PER1: variants seen among roughly 807,000 people sequenced by gnomAD.
PER1 encodes period circadian regulator 1.
Under a neutral mutation model 125.9 loss-of-function variants are expected in PER1, and 87 were observed. The observed-to-expected ratio is 0.69, with a 90% CI of 0.58 to 0.83. The LOEUF (loss-of-function observed/expected upper bound fraction) is 0.83, where lower values mean the gene tolerates loss of function less well. PER1 is among the 40% of genes least tolerant of loss of function. The pLI is 0.00. For synonymous variants in PER1, 801 were observed against 714.7 expected, an observed-to-expected ratio of 1.12 and a Z score of -1.93; for missense variants, 1,775 against 1,722.8, an observed-to-expected ratio of 1.03 and a Z score of -0.54.
Position 8,141,879 on chromosome 17 carries a change from C to T in PER1, c.3526G>A (p.Asp1176Asn). ...MQKQQPRFSE[D>N]QRRELGAVHS... ...ACAGCACCCAGTTCCCGCCGCTGGTCCTCAGAAAACCGAGGCTGCTGCTTC... is the reference window on the plus strand; with the variant it reads ...ACAGCACCCAGTTCCCGCCGCTGGTTCTCAGAAAACCGAGGCTGCTGCTTC... Residue 1176 changes from aspartate to asparagine, a missense_variant, in exon 22 of 23, where the codon GAC (aspartate) becomes AAC (asparagine). By Grantham distance (23) the Asp-to-Asn change is conservative (BLOSUM62 1). Coordinates refer to ENST00000317276, the MANE Select transcript of PER1 (RefSeq NM_002616.3). 1 of 1,614,206 alleles carries T rather than the reference C, an allele frequency of 6.2e-7. No homozygotes were observed.
intron 18 of PER1, 69 bp from the exon 19 acceptor site, chr17:8,143,945 C>T (rs1157438690): frequency 1.3e-6 from 2 of 1,522,608 alleles, no homozygotes; most frequent in Non-Finnish European, 1.8e-6. Context: ...CCACACTGCC[C>T]TGACACGCTG....
intron 22 of PER1, 68 bp from the exon 23 acceptor site, chr17:8,141,408 C>T: frequency 6.6e-7 from 1 of 1,505,280 alleles, no homozygotes; most frequent in Non-Finnish European, 8.9e-7. Flanking sequence ...AGCGCAGCTT[C>T]CCACCCCCAG....
chr17:8,149,390 G>C (rs758265050), intron 6 of PER1, 72 bp downstream of exon 6: 7 of 1,605,724 alleles, frequency 4.4e-6, no homozygotes, highest in Non-Finnish European at 5.1e-6. Flanking sequence ...GGAAAGTCTG[G>C]GTTCCCCGGC....
At chr17:8,149,194 GCAAAAACAAAAA>G (rs796314734) in intron 7 of PER1, 53 bp downstream of exon 7, 11 of 1,414,954 alleles carry the variant, frequency 7.8e-6, no homozygotes, top group Middle Eastern at 1.8e-4. Context: ...CTTTCAAAAA[GCAAAAACAAAAA>G]CAAAAACAAA....
Position 8,147,998 on chromosome 17 carries a change from C to T in PER1, c.1233G>A (p.Lys411=). 3 of 1,611,626 alleles carry T rather than the reference C, an allele frequency of 1.9e-6. No homozygotes were observed. The highest frequency in any genetic ancestry group is 1.3e-5 in the African/African-American group (1 of 75,026). The part of the protein sequence containing the change: ...DRPLMLAIHK[K]ILQLAGQPFD... ...GCGAGCAGGGCGAGAGGAACTCACT[C>T]TTCTTGTGGATAGCCAGCATGAGGG... Residue 411 remains lysine (K), a splice_region_variant and synonymous_variant, in exon 10 of 23, where the codon AAG becomes AAA. Coordinates refer to ENST00000317276, the MANE Select transcript of PER1 (RefSeq NM_002616.3).
Position 8,146,360 on chromosome 17 carries a change from T to C in PER1, c.2038+12A>G, listed in dbSNP as rs1339111215. 2.5e-6 allele frequency: 4 copies of C among 1,591,686 alleles called. No homozygotes were observed. The highest frequency in any genetic ancestry group is 4.5e-5 in the East Asian group (2 of 44,746). On this transcript the variant is annotated intron_variant, in intron 16 of 22. Coordinates refer to ENST00000317276, the MANE Select transcript of PER1 (RefSeq NM_002616.3). Reference sequence around the variant, plus strand: ...GACGGGGCAGTGGGAGCAGGGTGCATTGGATCTTTACCTTTCTTGGTCCCC... The same window carrying C: ...GACGGGGCAGTGGGAGCAGGGTGCACTGGATCTTTACCTTTCTTGGTCCCC...
At chr17:8,144,431 A>G in intron 18 of PER1, 2 of 465,302 alleles carry the variant, frequency 4.3e-6, no homozygotes, top group Non-Finnish European at 7.5e-6. Flanking sequence ...ATGTCTCTTC[A>G]TCAGTGACAA....
At position 8,149,587 on chromosome 17, in the gene PER1, C is replaced by T. The variant is rs748737933; in HGVS notation, c.728G>A (p.Arg243His). The T allele has an allele frequency of 3.3e-5, 53 of 1,613,580 alleles. No homozygotes were observed. The South Asian group carries it at 3.5e-4, about 11-fold the overall frequency. The change falls in exon 6 of 23, where the codon CGT (arginine) becomes CAT (histidine). Residue 243 changes from arginine to histidine, a missense_variant. Coordinates refer to ENST00000317276, the MANE Select transcript of PER1 (RefSeq NM_002616.3). Reference sequence around the variant, plus strand: ...ACCCCGGAACACGTCCCGCTTGCAACGCAGCAGGACGGCTGCCTGCTCCGA... The same window carrying T: ...ACCCCGGAACACGTCCCGCTTGCAATGCAGCAGGACGGCTGCCTGCTCCGA... ...YISEQAAVLL[R>H]CKRDVFRGTR...
chr17:8,146,355 G>T lies in PER1; in HGVS notation c.2038+17C>A, dbSNP rs760405296. 1 of 1,588,298 alleles carries T rather than the reference G, an allele frequency of 6.3e-7. No homozygotes were observed. The highest frequency in any genetic ancestry group is 1.3e-5 in the African/African-American group (1 of 74,598). On this transcript the variant is annotated intron_variant, in intron 16 of 22. Transcript: ENST00000317276. ...GCCAGGACGGGGCAGTGGGAGCAGG[G>T]TGCATTGGATCTTTACCTTTCTTGG...
rs1024431343 is a variant in PER1 at position 8,145,073 on chromosome 17, T to C, written c.2219-80A>G. 1.9e-5 allele frequency: 25 copies of C among 1,337,118 alleles called. No homozygotes were observed. In the East Asian group the frequency reaches 1.9e-4, roughly 10 times the overall value. 82.8% of individuals were successfully genotyped at this position (1,337,118 alleles called of 1,614,324 possible). ...TCCATACCACACCCTCCCTGTCTGA[T>C]AGCCTAGCCAACCCCTGGCAGCTCT... On this transcript the variant is annotated intron_variant, in intron 17 of 22. Transcript: ENST00000317276.
At position 8,149,595 on chromosome 17, in the gene PER1, G is replaced by A; in HGVS notation, c.720C>T (p.Val240=). ...RIVYISEQAA[V]LLRCKRDVFR... is the part of the protein sequence containing the mutation. The stretch of plus-strand genomic sequence containing the variant: ...ACACGTCCCGCTTGCAACGCAGCAG[G>A]ACGGCTGCCTGCTCCGAAATGTAGA... Residue 240 remains valine (V), a synonymous_variant, in exon 6 of 23, where the codon GTC becomes GTT. Transcript: ENST00000317276. The A allele has an allele frequency of 1.9e-6, 3 of 1,613,540 alleles. No homozygotes were observed. The highest frequency in any genetic ancestry group is 1.1e-5 in the South Asian group (1 of 91,080).
In PER1 at chr17:8,147,764, T is replaced by A; in HGVS notation, c.1298A>T (p.Glu433Val). ...SPIRFCARNGEYVTMDTSWAG... is the reference protein window; with the variant it reads ...SPIRFCARNGVYVTMDTSWAG... The stretch of plus-strand genomic sequence containing the variant: ...CCAGCTGGTGTCCATGGTGACATAC[T>A]CCCCGTTGCGGGCACAGAAGCGGAT... Residue 433 changes from glutamate (E) to valine (V), a missense_variant, in exon 11 of 23, where the codon GAG becomes GTG. Glu to Val is a moderately radical substitution (Grantham distance 121). Coordinates refer to ENST00000317276, the MANE Select transcript of PER1 (RefSeq NM_002616.3). The A allele has an allele frequency of 6.2e-7, 1 of 1,613,930 alleles. No individual in the cohort carries two copies. Among genetic ancestry groups the A allele is most frequent in the Non-Finnish European group, 8.5e-7 (1 of 1,179,980 alleles).
In PER1 at chr17:8,149,898, G is replaced by A. The variant is rs562041013; in HGVS notation, c.530-22C>T. ...TTGGCTGCAGAGTGGAGGCAGTGAG[G>A]CATTCAGTAAGGAGGCTGCCTCAAC... On this transcript the variant is annotated intron_variant, in intron 4 of 22. Transcript: ENST00000317276. 10 of 1,614,112 alleles carry A rather than the reference G, an allele frequency of 6.2e-6. 1 individual carries two copies. In the East Asian group the frequency reaches 1.1e-4, roughly 18 times the overall value.
intron 11 of PER1, 32 bp from the exon 12 acceptor site, chr17:8,147,610 C>T (rs1420848677): frequency 1.2e-6 from 2 of 1,612,990 alleles, no homozygotes; most frequent in Non-Finnish European, 1.7e-6. Context: ...CAGCCCTGGC[C>T]CGGTCCTGTC....
Position 8,143,439 on chromosome 17 carries a change from G to A in PER1, c.2899C>T (p.His967Tyr), listed in dbSNP as rs537709443. Residue 967 changes from histidine to tyrosine, a missense_variant, in exon 19 of 23, where the codon CAC becomes TAC. Physicochemically the swap from His to Tyr is moderately conservative, Grantham distance 83 (BLOSUM62 2). Transcript: ENST00000317276. ...TTGAACAGTGGAGAGTCCGGGCGGTGAGGAGGACTCGGGGCGAGGGCGGGC... is the reference window on the plus strand; with the variant it reads ...TTGAACAGTGGAGAGTCCGGGCGGTAAGGAGGACTCGGGGCGAGGGCGGGC... ...SLPALAPSPP[H>Y]RPDSPLFNSR... The A allele has an allele frequency of 6.2e-6, 10 of 1,611,644 alleles. No homozygotes were observed. The highest frequency in any genetic ancestry group is 1.1e-5 in the South Asian group (1 of 90,770).
chr17:8,150,043 G>C lies in PER1; in HGVS notation c.457C>G (p.Arg153Gly). 6.2e-7 allele frequency: 1 copy of C among 1,614,184 alleles called. No homozygotes were observed. The highest frequency in any genetic ancestry group is 8.5e-7 in the Non-Finnish European group (1 of 1,180,032). The change falls in exon 4 of 23, where the codon CGC (arginine) becomes GGC (glycine). Residue 153 changes from arginine (R) to glycine (G), a missense_variant. By Grantham distance (125) the Arg-to-Gly change is moderately radical. Transcript: ENST00000317276. ...RELKLRLPPERRGKGRSGTLA... is the reference protein window; with the variant it reads ...RELKLRLPPEGRGKGRSGTLA... ...GTCCCAGAGCGGCCCTTGCCCCGGCGCTCTGGCGGCAGTCGAAGCTTGAGC... is the reference window on the plus strand; with the variant it reads ...GTCCCAGAGCGGCCCTTGCCCCGGCCCTCTGGCGGCAGTCGAAGCTTGAGC...
intron 13 of PER1, 103 bp from the exon 14 acceptor site, chr17:8,147,105 G>A (rs1982500462): frequency 1.2e-5 from 16 of 1,388,720 alleles, no homozygotes; most frequent in Non-Finnish European, 1.5e-5. Context: ...AGGCACAGAC[G>A]CCTTGATGGG....
rs1982660213 is a variant in PER1, at chr17:8,149,189, AAAAAGC to A, written c.905+64_905+69del. 3.0e-5 allele frequency: 43 copies of A among 1,437,598 alleles called. 1 individual carries two copies. The South Asian group carries it at 4.4e-4, about 15-fold the overall frequency. 89.1% of individuals were successfully genotyped at this position (1,437,598 alleles called of 1,614,324 possible). On this transcript the variant is annotated intron_variant, in intron 7 of 22. Coordinates refer to ENST00000317276, the MANE Select transcript of PER1 (RefSeq NM_002616.3). The stretch of plus-strand genomic sequence containing the variant: ...GGGTGACAGAGTGAGACTCCCTTTC[AAAAAGC>A]AAAAACAAAAACAAAAACAAAAAAA...
In PER1 at chr17:8,151,224, A is replaced by G. The variant is rs551137479; in HGVS notation, c.-139-379T>C. ...CCTCCTATATTTAGGCCTCCAGGCT[A>G]ATTTTATCCGGGGGCGGTGCCACCC... On this transcript the variant is annotated intron_variant, in intron 1 of 22. Transcript: ENST00000317276. Among the ~76,000 whole-genome samples the G allele has an allele frequency of 3.9e-5, 6 of 152,292 alleles. No individual in the cohort carries two copies. In the South Asian group the frequency reaches 1.0e-3, roughly 26 times the overall value.
Sources: allele counts gnomAD v4.1 joint callset (sites outside exome capture counted in the v4.1 genomes callset), GRCh38; gene constraint gnomAD v4.1.1; transcripts MANE v1.5; gene names NCBI Gene and HGNC (gene_info 2026-07-23, HGNC 2026-07-21).